STXBP6: variants seen among roughly 807,000 people sequenced by gnomAD.
STXBP6 encodes the protein syntaxin binding protein 6.
Under a neutral mutation model 26.9 loss-of-function variants are expected in STXBP6, and 21 were observed. The observed-to-expected ratio is 0.78, with a 90% confidence interval of 0.55 to 1.12. The LOEUF is 1.12. STXBP6 is among the 50% of genes most tolerant of loss of function. STXBP6 has a pLI of 0.00. For synonymous variants in STXBP6, 97 were observed against 92.6 expected, an observed-to-expected ratio of 1.05 and a Z score of -0.27; for missense variants, 232 against 257.9, an observed-to-expected ratio of 0.90 and a Z score of 0.69.
intron 2 of STXBP6, among the ~76,000 whole-genome samples, chr14:24,963,810 G>C (rs2073630777): frequency 6.6e-6 from 1 of 152,008 alleles, no homozygotes; most frequent in Non-Finnish European, 1.5e-5. Context: ...CATTTTGAAA[G>C]ATTCTAAAAG....
At chr14:24,982,347 A>G (rs1016775549) in intron 1 of STXBP6, among the ~76,000 whole-genome samples, 1 of 152,234 alleles carries the variant, frequency 6.6e-6, no homozygotes, top group Non-Finnish European at 1.5e-5. Flanking sequence ...CAAGGCTTAG[A>G]AGATAACTTT....
intron 2 of STXBP6, among the ~76,000 whole-genome samples, chr14:24,964,377 G>C (rs1480125856): frequency 6.6e-6 from 1 of 152,122 alleles, no homozygotes; most frequent in African/African-American, 2.4e-5. Context: ...GGACAGCTTG[G>C]CAACCTCACT....
At chr14:24,971,021 A>G (rs2073890644) in intron 2 of STXBP6, among the ~76,000 whole-genome samples, 1 of 152,246 alleles carries the variant, frequency 6.6e-6, no homozygotes, top group African/African-American at 2.4e-5. Flanking sequence ...GAAACACTCA[A>G]ATCCTATCCC....
At chr14:24,897,237 T>A (rs941155839) in intron 2 of STXBP6, among the ~76,000 whole-genome samples, 1 of 151,702 alleles carries the variant, frequency 6.6e-6, no homozygotes, top group Admixed American at 6.6e-5. Flanking sequence ...GGTGAAACCC[T>A]GTCTCTACTA....
intron 2 of STXBP6, among the ~76,000 whole-genome samples, chr14:24,965,447 C>A (rs1434389521): frequency 2.6e-5 from 4 of 151,304 alleles, no homozygotes; most frequent in African/African-American, 9.7e-5. Flanking sequence ...GGTGTATGGT[C>A]ATTAACATGT....
chr14:24,839,511 G>GA (rs5807268), intron 4 of STXBP6, among the ~76,000 whole-genome samples: 35,664 of 151,786 alleles, frequency 0.23, 4,856 homozygotes, highest in Non-Finnish European at 0.31. Flanking sequence ...CCTACGTCTT[G>GA]AAAAAAAATT....
chr14:24,873,987 G>A (rs762482972), intron 2 of STXBP6, among the ~76,000 whole-genome samples: 5 of 152,130 alleles, frequency 3.3e-5, no homozygotes, highest in African/African-American at 7.2e-5. Context: ...AAAGCCCTTC[G>A]TTGTCAATTC....
chr14:24,948,904 C>T (rs115060053), intron 2 of STXBP6, among the ~76,000 whole-genome samples: 125 of 152,178 alleles, frequency 8.2e-4, no homozygotes, highest in African/African-American at 2.9e-3. Context: ...AAACCTATTA[C>T]ACAGCATAAA....
chr14:24,902,589 T>C (rs2071252156), intron 2 of STXBP6, among the ~76,000 whole-genome samples: 1 of 152,226 alleles, frequency 6.6e-6, no homozygotes, highest in Non-Finnish European at 1.5e-5. Flanking sequence ...GATGACTGAT[T>C]ATCAAACATT....
At chr14:25,012,707 G>T (rs1224646188) in intron 1 of STXBP6, among the ~76,000 whole-genome samples, 1 of 152,114 alleles carries the variant, frequency 6.6e-6, no homozygotes, top group African/African-American at 2.4e-5. Context: ...GAATAAAACA[G>T]GTAAATTATG....
intron 1 of STXBP6, among the ~76,000 whole-genome samples, chr14:25,017,145 A>G (rs1358463260): frequency 6.6e-6 from 1 of 152,210 alleles, no homozygotes; most frequent in Admixed American, 6.5e-5. Flanking sequence ...TATTCACCAG[A>G]ATTCTTGGAA....
At chr14:25,035,781 C>T (rs1016555212) in intron 1 of STXBP6, among the ~76,000 whole-genome samples, 8 of 152,098 alleles carry the variant, frequency 5.3e-5, no homozygotes, top group Non-Finnish European at 1.0e-4. Flanking sequence ...TGGTTACCCA[C>T]GGCCAAGTAC....
At chr14:24,812,873 A>AGAGAGTGATTACAGATTACG (rs1378696767) in intron 5 of STXBP6, 141 bp from the exon 6 acceptor site, 2 of 763,824 alleles carry the variant, frequency 2.6e-6, no homozygotes, top group African/African-American at 1.8e-5. Flanking sequence ...ACCGTTACTA[A>AGAGAGTGATTACAGATTACG]TTACAGTAGC....
At chr14:24,977,844 T>C (rs1258968354) in intron 1 of STXBP6, among the ~76,000 whole-genome samples, 1 of 152,196 alleles carries the variant, frequency 6.6e-6, no homozygotes, top group African/African-American at 2.4e-5. Flanking sequence ...CCCATCAGTG[T>C]GAGACCCTCC....
At chr14:24,965,223 T>C (rs1369105251) in intron 2 of STXBP6, among the ~76,000 whole-genome samples, 5 of 151,458 alleles carry the variant, frequency 3.3e-5, no homozygotes, top group Non-Finnish European at 7.4e-5. Flanking sequence ...GGAAAAAATG[T>C]AGGGAAGGAG....
chr14:24,984,168 G>A (rs1213294755), intron 1 of STXBP6, among the ~76,000 whole-genome samples: 6 of 152,106 alleles, frequency 3.9e-5, no homozygotes, highest in South Asian at 4.2e-4. Flanking sequence ...GGAGGTGGAG[G>A]TTGCAGTGAG....
chr14:24,883,474 T>C lies in STXBP6; in HGVS notation c.155-26317A>G, dbSNP rs1021153488. 4.6e-5 allele frequency among the ~76,000 whole-genome samples: 7 copies of C among 152,188 alleles called. 2 individuals carry two copies. The highest frequency in any genetic ancestry group is 3.9e-4 in the Admixed American group (6 of 15,284). On this transcript the variant is annotated intron_variant, in intron 2 of 5. Transcript: ENST00000323944. ...TTACTTTGGTAATTAAAATTTGTATTGGTAAAAAATTGTATCAAGGAAACC... is the reference window on the plus strand; with the variant it reads ...TTACTTTGGTAATTAAAATTTGTATCGGTAAAAAATTGTATCAAGGAAACC...
chr14:25,023,214 T>G (rs2140432662), intron 1 of STXBP6, among the ~76,000 whole-genome samples: 1 of 152,188 alleles, frequency 6.6e-6, no homozygotes, highest in Admixed American at 6.5e-5. Flanking sequence ...TCCTATTAGG[T>G]GTAATATCAA....
At chr14:25,029,695 G>A (rs758510564) in intron 1 of STXBP6, among the ~76,000 whole-genome samples, 1 of 152,028 alleles carries the variant, frequency 6.6e-6, no homozygotes, top group African/African-American at 2.4e-5. Flanking sequence ...AAGTGCTGGC[G>A]GGAGTATAAA....
Sources: allele counts gnomAD v4.1 joint callset (sites outside exome capture counted in the v4.1 genomes callset), GRCh38; gene constraint gnomAD v4.1.1; transcripts MANE v1.5; gene names NCBI Gene and HGNC (gene_info 2026-07-23, HGNC 2026-07-21).